Variants in HK1 observed in about 807,000 individuals in gnomAD.
HK1 encodes hexokinase 1.
In HK1, 28 loss-of-function variants were observed where a neutral mutation model predicts 91.6. That is an observed-to-expected ratio of 0.31 (90% CI 0.23 to 0.42). HK1 has a LOEUF of 0.42. HK1 is among the 10% of genes least tolerant of loss of function. The pLI is 1.00. For synonymous variants in HK1, 430 were observed against 468.1 expected (o/e 0.92, Z 1.05); for missense variants, 770 against 1,219.8 (o/e 0.63, Z 5.49).
chr10:69,301,528 C>T (rs1000071293), intron 5 of HK1, among the ~76,000 whole-genome samples: 6 of 128,854 alleles, frequency 4.7e-5, no homozygotes, highest in Admixed American at 1.8e-4. Flanking sequence ...GAGCTGAGAT[C>T]ACACCAGTGT....
intron 1 of HK1, among the ~76,000 whole-genome samples, chr10:69,272,691 G>A (rs909485445): frequency 1.9e-4 from 28 of 150,116 alleles, no homozygotes; most frequent in African/African-American, 6.4e-4. Flanking sequence ...GTTTGTAAGG[G>A]TTTCTCTTTC....
At chr10:69,342,547 G>A (rs184293129) in intron 1 of HK1, among the ~76,000 whole-genome samples, 4 of 152,362 alleles carry the variant, frequency 2.6e-5, no homozygotes, top group Admixed American at 6.5e-5. Context: ...GGTTTGGCCG[G>A]AGTTCAGAGA....
intron 3 of HK1, among the ~76,000 whole-genome samples, chr10:69,293,847 ATTTC>A (rs1432473815): frequency 4.4e-5 from 6 of 135,988 alleles, no homozygotes; most frequent in African/African-American, 1.1e-4. Context: ...GCACAAGCAT[ATTTC>A]TTTCTTTTTT....
intron 7 of HK1, among the ~76,000 whole-genome samples, chr10:69,371,122 A>G (rs1020151911): frequency 2.0e-5 from 3 of 152,192 alleles, no homozygotes; most frequent in Non-Finnish European, 4.4e-5. Flanking sequence ...ACCTGAATTA[A>G]TGGATTTTCA....
At chr10:69,289,460 AATTTTT>A (rs1344060135) in intron 3 of HK1, among the ~76,000 whole-genome samples, 22 of 93,658 alleles carry the variant, frequency 2.3e-4, no homozygotes, top group Admixed American at 5.3e-4. Context: ...TAAAAAAAAA[AATTTTT>A]TTTTTTTTTT....
intron 4 of HK1, among the ~76,000 whole-genome samples, chr10:69,297,588 C>A (rs765694050): frequency 1.3e-5 from 2 of 152,104 alleles, no homozygotes; most frequent in Non-Finnish European, 1.5e-5. Context: ...TCTGAAGCAT[C>A]GCAGCTTTAG....
At chr10:69,357,789 G>C (rs1849206496) in intron 2 of HK1, among the ~76,000 whole-genome samples, 1 of 152,026 alleles carries the variant, frequency 6.6e-6, no homozygotes, top group African/African-American at 2.4e-5. Context: ...GTCCAGAAGA[G>C]GTAAATCTAT....
At chr10:69,342,153 C>A (rs1022394222) in intron 1 of HK1, among the ~76,000 whole-genome samples, 3 of 138,058 alleles carry the variant, frequency 2.2e-5, no homozygotes, top group African/African-American at 2.7e-5. Context: ...GAAAAAAAAA[C>A]CAACCCCAAA....
intron 2 of HK1, among the ~76,000 whole-genome samples, chr10:69,359,453 G>A (rs929739733): frequency 6.6e-6 from 1 of 152,174 alleles, no homozygotes; most frequent in African/African-American, 2.4e-5. Context: ...TGGAATAATT[G>A]ATGTCAGAGC....
intron 10 of HK1, 76 bp from the exon 11 acceptor site, chr10:69,384,257 C>T: frequency 6.4e-7 from 1 of 1,564,990 alleles, no homozygotes; most frequent in African/African-American, 1.3e-5. Context: ...CCTTGAAAGT[C>T]TGGAGTCTTG....
At chr10:69,398,945 G>A (rs888369110) in intron 17 of HK1, 117 bp downstream of exon 17, 6 of 725,782 alleles carry the variant, frequency 8.3e-6, no homozygotes, top group Admixed American at 2.3e-5. Context: ...CCAGGCTGAA[G>A]GCTGTGCGTT....
At chr10:69,373,281 G>A (rs1444127244) in intron 7 of HK1, among the ~76,000 whole-genome samples, 3 of 152,210 alleles carry the variant, frequency 2.0e-5, no homozygotes, top group Non-Finnish European at 4.4e-5. Context: ...ATTGGAGTTA[G>A]CATTTAACTG....
At chr10:69,288,835 G>A (rs1845148923) in intron 3 of HK1, 2 of 1,359,200 alleles carry the variant, frequency 1.5e-6, no homozygotes, top group Non-Finnish European at 1.0e-6. Context: ...CGCCCAGGCT[G>A]GAGTGTAGTG....
Position 69,306,300 on chromosome 10 carries a change from G to A in HK1, c.27+5439G>A, listed in dbSNP as rs188133492. ...GTGAATCCGGGAGGTGGAGCTTGCA[G>A]TGAGCTGAGATCGCACCAGTGCACT... On this transcript the variant is annotated intron_variant, in intron 5 of 21. Coordinates refer to the HK1 transcript ENST00000360289. Among the ~76,000 whole-genome samples, 388 of 152,172 alleles carry A rather than the reference G, an allele frequency of 2.5e-3. 2 individuals are homozygous for A. The highest frequency in any genetic ancestry group is 9.0e-3 in the African/African-American group (375 of 41,518).
intron 5 of HK1, among the ~76,000 whole-genome samples, chr10:69,307,092 T>C (rs1846141719): frequency 6.6e-6 from 1 of 152,152 alleles, no homozygotes; most frequent in African/African-American, 2.4e-5. Context: ...CCATGGGACA[T>C]ATAAGACTTG....
chr10:69,368,727 G>A, intron 5 of HK1, 96 bp downstream of exon 5: 3 of 949,274 alleles, frequency 3.2e-6, no homozygotes, highest in Non-Finnish European at 5.1e-6. Flanking sequence ...GGGGGCAGTA[G>A]TGCCAAAGCC....
chr10:69,277,341 G>T (rs911227327), intron 1 of HK1, among the ~76,000 whole-genome samples: 1 of 152,164 alleles, frequency 6.6e-6, no homozygotes, highest in Non-Finnish European at 1.5e-5. Flanking sequence ...GCTGAGGCAC[G>T]AGGATTGCTT....
intron 10 of HK1, 104 bp downstream of exon 10, chr10:69,382,895 G>A: frequency 9.4e-7 from 1 of 1,062,942 alleles, no homozygotes; most frequent in Non-Finnish European, 1.4e-6. Context: ...CACTGGTGAT[G>A]CACGATTTTG....
intron 12 of HK1, 69 bp downstream of exon 12, chr10:69,384,984 C>G (rs1839565963): frequency 4.5e-6 from 7 of 1,539,484 alleles, no homozygotes; most frequent in Middle Eastern, 1.9e-4. Context: ...GTGGGCTGGC[C>G]CTTGAGGCCT....
Sources: gnomAD v4.1 joint callset for allele counts (sites outside exome capture counted in the v4.1 genomes callset) on GRCh38, gnomAD v4.1.1 for gene constraint, MANE v1.5 for transcripts, NCBI Gene and HGNC (gene_info 2026-07-23, HGNC 2026-07-21) for gene names.